The following ENTPD7 variants were observed in gnomAD, a reference collection of about 807,000 sequenced individuals.
ENTPD7 encodes the protein NTPDase 7.
In ENTPD7, 53 loss-of-function variants were observed where a neutral mutation model predicts 77.9. That is an observed-to-expected ratio of 0.68 (90% CI 0.55 to 0.85). The LOEUF (loss-of-function observed/expected upper bound fraction) is 0.85, where lower values mean the gene tolerates loss of function less well. ENTPD7 is among the 40% of genes least tolerant of loss of function. ENTPD7 has a pLI of 0.00. For synonymous variants in ENTPD7, 248 were observed against 274.9 expected (o/e 0.90, Z 0.97); for missense variants, 636 against 743.7 (o/e 0.86, Z 1.68).
At chr10:99,690,193 T>C (rs1207335473) in intron 7 of ENTPD7, among the ~76,000 whole-genome samples, 2 of 152,336 alleles carry the variant, frequency 1.3e-5, no homozygotes, top group East Asian at 3.9e-4. Flanking sequence ...GGTCATCTTG[T>C]ATACTTTCTA....
intron 7 of ENTPD7, among the ~76,000 whole-genome samples, chr10:99,690,493 C>T (rs11190243): frequency 0.11 from 17,176 of 151,654 alleles, 1,160 homozygotes; most frequent in East Asian, 0.31. Context: ...ATCTTTGTTC[C>T]TAAAGATATT....
intron 3 of ENTPD7, among the ~76,000 whole-genome samples, chr10:99,675,769 T>C (rs2035674283): frequency 6.6e-6 from 1 of 151,998 alleles, no homozygotes; most frequent in African/African-American, 2.4e-5. Context: ...GCTCATTTTT[T>C]GTATTTTTAG....
Position 99,707,709 on chromosome 10 carries a change from G to A in ENTPD7, c.*3026G>A, listed in dbSNP as rs1448494755. 1.3e-5 allele frequency among the ~76,000 whole-genome samples: 2 copies of A among 152,174 alleles called. No individual in the cohort carries two copies. The highest frequency in any genetic ancestry group is 2.9e-5 in the Non-Finnish European group (2 of 68,018). ...ATAGGAGTCCGTGGCTTGTAGTGAT[G>A]CTTTTTAGTCTTGTGATAGCACAAT... On this transcript the variant is annotated 3_prime_UTR_variant, in exon 13 of 13. Coordinates refer to ENST00000370489, the MANE Select transcript of ENTPD7 (RefSeq NM_020354.5).
At chr10:99,676,191 T>A (rs1327865304) in intron 3 of ENTPD7, among the ~76,000 whole-genome samples, 2 of 152,282 alleles carry the variant, frequency 1.3e-5, no homozygotes, top group African/African-American at 4.8e-5. Context: ...ATGCCACTCT[T>A]CTATTTTTTT....
intron 3 of ENTPD7, among the ~76,000 whole-genome samples, chr10:99,673,860 T>C (rs1208292316): frequency 3.3e-5 from 5 of 152,222 alleles, no homozygotes; most frequent in African/African-American, 1.2e-4. Context: ...TCAATACTAT[T>C]TGATACATCT....
At chr10:99,685,938 A>T (rs780949116) in intron 6 of ENTPD7, 43 bp downstream of exon 6, 1 of 1,276,940 alleles carries the variant, frequency 7.8e-7, no homozygotes, top group East Asian at 2.4e-5. Flanking sequence ...CTCTAAGCCA[A>T]CCATGGCACA....
chr10:99,659,896 C>A lies in ENTPD7; in HGVS notation c.-61C>A. 6.2e-7 allele frequency: 1 copy of A among 1,612,466 alleles called. No homozygotes were observed. Among genetic ancestry groups the A allele is most frequent in the Non-Finnish European group, 8.5e-7 (1 of 1,178,850 alleles). The stretch of plus-strand genomic sequence containing the variant: ...GTAGGAGATGCCTGGGACAAGGAGG[C>A]CACCTTCTCAGGGCAAAAGAAAAAG... On this transcript the variant is annotated 5_prime_UTR_variant, in exon 2 of 13. Coordinates refer to ENST00000370489, the MANE Select transcript of ENTPD7 (RefSeq NM_020354.5). This position sits in a 1 kb window ranked among gnomAD's most constrained non-coding sequence, Gnocchi z 4.1.
At position 99,704,733 on chromosome 10, in the gene ENTPD7, T is replaced by C. The variant is rs1455303430; in HGVS notation, c.*50T>C. 2 of 1,513,450 alleles carry C rather than the reference T, an allele frequency of 1.3e-6. No homozygotes were observed. Among genetic ancestry groups the C allele is most frequent in the Non-Finnish European group, 1.8e-6 (2 of 1,106,740 alleles). The allele number at this position is 1,513,450 out of a possible 1,614,324, so 93.8% of individuals were successfully genotyped here. A position where few individuals can be genotyped will look rare whatever the true frequency, so the allele number is the denominator to read the frequency against. ...TGAGCACCCCCGAGTTGCTGCTCAT[T>C]GAATTCCTCCACTTTCTTATATAGC... On this transcript the variant is annotated 3_prime_UTR_variant, in exon 13 of 13. Transcript: ENST00000370489.
intron 7 of ENTPD7, 122 bp downstream of exon 7, chr10:99,688,872 C>A (rs1467439407): frequency 1.0e-5 from 9 of 859,566 alleles, no homozygotes; most frequent in Non-Finnish European, 1.7e-5. Flanking sequence ...TAAGATGCTT[C>A]ATTTTCCAGT....
chr10:99,710,006 A>T lies in ENTPD7; in HGVS notation c.*5323A>T. On this transcript the variant is annotated 3_prime_UTR_variant, in exon 13 of 13. Coordinates refer to ENST00000370489, the MANE Select transcript of ENTPD7 (RefSeq NM_020354.5). ...TGCTTGCCATTTTTATGAAAACCAA[A>T]GTTGAAAAGTCTTCTGAATCACAGG... 1.0e-6 allele frequency: 1 copy of T among 985,456 alleles called. No homozygotes were observed. The highest frequency in any genetic ancestry group is 4.7e-5 in the South Asian group (1 of 21,286). 61.0% of individuals were successfully genotyped at this position (985,456 alleles called of 1,614,324 possible).
chr10:99,667,477 C>T (rs1380642246), intron 3 of ENTPD7, among the ~76,000 whole-genome samples: 1 of 152,172 alleles, frequency 6.6e-6, no homozygotes, highest in Non-Finnish European at 1.5e-5. Context: ...AGTGAAGAAT[C>T]AGGAACTATG....
chr10:99,679,135 A>G (rs2035720043), intron 3 of ENTPD7, 126 bp from the exon 4 acceptor site: 2 of 813,250 alleles, frequency 2.5e-6, no homozygotes, highest in Middle Eastern at 2.8e-4. Context: ...ATTGGTTAGG[A>G]CTGGTAGTCC....
rs754559411 is a variant in ENTPD7 at position 99,679,821 on chromosome 10, A to G, written c.494A>G (p.Lys165Arg). 3 of 1,614,228 alleles carry G rather than the reference A, an allele frequency of 1.9e-6. No individual in the cohort carries two copies. The highest frequency in any genetic ancestry group is 1.1e-5 in the South Asian group (1 of 91,084). Reference sequence around the variant, plus strand: ...GCTCATGTGCCTGTGAAGAAGCACAAGGAGACCCCTCTTTACATCCTCTGC... The same window carrying G: ...GCTCATGTGCCTGTGAAGAAGCACAGGGAGACCCCTCTTTACATCCTCTGC... ...AAAHVPVKKH[K>R]ETPLYILCTA... is the part of the protein sequence containing the mutation. Residue 165 changes from lysine (K) to arginine (R), a missense_variant, in exon 5 of 13, where the codon AAG becomes AGG. By Grantham distance (26) the Lys-to-Arg change is conservative. This residue lies in a region of ENTPD7 where 486 missense variants were observed against 556.5 expected (regional missense o/e 0.87). Transcript: ENST00000370489.
At position 99,711,156 on chromosome 10, in the gene ENTPD7, T is replaced by C; in HGVS notation, c.*6473T>C. 1.0e-6 allele frequency: 1 copy of C among 985,270 alleles called. No individual in the cohort carries two copies. The highest frequency in any genetic ancestry group is 1.7e-5 in the African/African-American group (1 of 57,348). The allele number at this position is 985,270 out of a possible 1,614,324, so 61.0% of individuals were successfully genotyped here. A position where few individuals can be genotyped will look rare whatever the true frequency, so the allele number is the denominator to read the frequency against. On this transcript the variant is annotated 3_prime_UTR_variant, in exon 13 of 13. Transcript: ENST00000370489. Reference sequence around the variant, plus strand: ...GAAGCTCATAGATATAATACAGTTATATAGCTAAATGCAACCAGTTGTTTT... The same window carrying C: ...GAAGCTCATAGATATAATACAGTTACATAGCTAAATGCAACCAGTTGTTTT...
intron 12 of ENTPD7, 103 bp from the exon 13 acceptor site, chr10:99,704,349 A>G: frequency 8.9e-7 from 1 of 1,124,780 alleles, no homozygotes. Flanking sequence ...GTTTATGTGG[A>G]TGGAATAAAT....
intron 9 of ENTPD7, 100 bp from the exon 10 acceptor site, chr10:99,698,433 AC>A (rs1427926048): frequency 1.7e-5 from 20 of 1,152,126 alleles, no homozygotes; most frequent in African/African-American, 3.1e-5. Context: ...TATCATGAAA[AC>A]CAGTAGTAAG....
At position 99,710,984 on chromosome 10, in the gene ENTPD7, T is replaced by G. The variant is rs1185802510; in HGVS notation, c.*6301T>G. The G allele has an allele frequency of 2.0e-6, 2 of 985,342 alleles. No homozygotes were observed. The allele number at this position is 985,342 out of a possible 1,614,324, so 61.0% of individuals were successfully genotyped here. On this transcript the variant is annotated 3_prime_UTR_variant, in exon 13 of 13. Transcript: ENST00000370489. The stretch of plus-strand genomic sequence containing the variant: ...TTTAATCCTATAGGTATGTGATGAC[T>G]TGTTTTTTTGGAAAAAGGTATTTGG...
Position 99,704,588 on chromosome 10 carries a change from C to A in ENTPD7, c.1720C>A (p.Arg574=). 4.3e-6 allele frequency: 7 copies of A among 1,614,148 alleles called. No homozygotes were observed. Among genetic ancestry groups the A allele is most frequent in the Non-Finnish European group, 5.9e-6 (7 of 1,180,024 alleles). The part of the protein sequence containing the change: ...AIFLYLLRLR[R]IHHRQTRASA... ...CTTCCTATACCTTCTGCGGCTACGC[C>A]GAATTCACCACCGACAAACACGAGC... Residue 574 remains arginine (R), a synonymous_variant, in exon 13 of 13, where the codon CGA becomes AGA. Transcript: ENST00000370489.
chr10:99,687,931 T>A (rs1165424799), intron 6 of ENTPD7, among the ~76,000 whole-genome samples: 1 of 152,054 alleles, frequency 6.6e-6, no homozygotes, highest in African/African-American at 2.4e-5. Context: ...AAATAAACAA[T>A]AGGATTTGTT....
Sources: gnomAD v4.1 joint callset for allele counts (sites outside exome capture counted in the v4.1 genomes callset) on GRCh38, gnomAD v4.1.1 for gene constraint, gnomAD v4.1.1 regional missense constraint, Gnocchi (gnomAD v3.1) non-coding constraint, MANE v1.5 for transcripts, NCBI Gene and HGNC (gene_info 2026-07-23, HGNC 2026-07-21) for gene names.